USO1: variants seen among roughly 807,000 people sequenced by gnomAD.
The protein encoded by USO1 is general vesicular transport factor p115.
USO1 carries 57 observed loss-of-function variants against 124.5 expected under a neutral mutation model. That is an observed-to-expected ratio of 0.46 (90% CI 0.37 to 0.57). USO1 has a LOEUF of 0.57. Ranked by LOEUF, USO1 falls within the 20% of genes least tolerant of loss-of-function variation. The pLI is 0.00. For missense variants in USO1, 900 were observed against 1,040.6 expected (o/e 0.86, Z 1.86); for synonymous variants, 369 against 362.8 (o/e 1.02, Z -0.19).
At chr4:75,791,017 T>C (rs1426401761) in intron 12 of USO1, among the ~76,000 whole-genome samples, 1 of 152,202 alleles carries the variant, frequency 6.6e-6, no homozygotes, top group Non-Finnish European at 1.5e-5. Flanking sequence ...TCACTTTTGC[T>C]GTATAACTTC....
chr4:75,767,144 T>C (rs1721788006), intron 4 of USO1, among the ~76,000 whole-genome samples: 1 of 152,174 alleles, frequency 6.6e-6, no homozygotes. Context: ...AACCTCTTAA[T>C]ATTAGAATGC....
chr4:75,732,051 A>G (rs190864613), intron 1 of USO1, among the ~76,000 whole-genome samples: 3 of 152,284 alleles, frequency 2.0e-5, no homozygotes, highest in East Asian at 1.9e-4. Context: ...TTACATGTGC[A>G]AGTTGTTACA....
intron 22 of USO1, among the ~76,000 whole-genome samples, chr4:75,811,690 G>A: frequency 6.6e-6 from 1 of 152,144 alleles, no homozygotes; most frequent in Non-Finnish European, 1.5e-5. Flanking sequence ...TTTTTGGATT[G>A]TGGCCAAATT....
chr4:75,742,659 TA>T (rs1720997589), intron 1 of USO1, among the ~76,000 whole-genome samples: 1 of 152,248 alleles, frequency 6.6e-6, no homozygotes, highest in African/African-American at 2.4e-5. Flanking sequence ...TTAAAAGGCC[TA>T]GGGGCAAACA....
At chr4:75,771,196 G>A in intron 7 of USO1, 59 bp downstream of exon 7, 1 of 1,519,470 alleles carries the variant, frequency 6.6e-7, no homozygotes, top group South Asian at 1.3e-5. Context: ...TCTTGCAAAT[G>A]AAATCCTTGT....
intron 14 of USO1, among the ~76,000 whole-genome samples, 165 bp downstream of exon 14, chr4:75,799,897 G>C (rs12511212): frequency 0.13 from 18,865 of 150,828 alleles, 1,849 homozygotes; most frequent in African/African-American, 0.27. Flanking sequence ...TGTTTAAGTT[G>C]TGTGTGTGTG....
chr4:75,735,026 G>A (rs997403914), intron 1 of USO1, among the ~76,000 whole-genome samples: 3 of 152,050 alleles, frequency 2.0e-5, no homozygotes, highest in Non-Finnish European at 4.4e-5. Flanking sequence ...ACCATACCTG[G>A]CCCCATTTTA....
chr4:75,800,556 G>A, intron 15 of USO1, 62 bp from the exon 16 acceptor site: 1 of 1,515,792 alleles, frequency 6.6e-7, no homozygotes, highest in Non-Finnish European at 8.8e-7. Context: ...TGTAGACCAA[G>A]CTTTTATGTT....
intron 4 of USO1, among the ~76,000 whole-genome samples, chr4:75,765,838 A>T (rs1434072890): frequency 6.6e-6 from 1 of 152,200 alleles, no homozygotes; most frequent in Non-Finnish European, 1.5e-5. Flanking sequence ...ATGTTTGAGT[A>T]TTAGGCTTCC....
At chr4:75,810,680 T>TCTG in intron 22 of USO1, 141 bp downstream of exon 22, 1 of 1,111,958 alleles carries the variant, frequency 9.0e-7, no homozygotes, top group Non-Finnish European at 1.2e-6. Context: ...CACTCCTATA[T>TCTG]TGATGATTTA....
chr4:75,773,214 T>A (rs1020161698), intron 7 of USO1, among the ~76,000 whole-genome samples: 1 of 152,230 alleles, frequency 6.6e-6, no homozygotes, highest in African/African-American at 2.4e-5. Context: ...GACAGACAAA[T>A]AAGTGTCTAT....
intron 7 of USO1, among the ~76,000 whole-genome samples, chr4:75,773,140 C>T (rs551104770): frequency 6.6e-6 from 1 of 152,148 alleles, no homozygotes; most frequent in East Asian, 1.9e-4. Flanking sequence ...TCTGGAATCT[C>T]CTGTTTTCCT....
intron 13 of USO1, among the ~76,000 whole-genome samples, chr4:75,796,422 GCCT>G (rs1237300491): frequency 6.7e-6 from 1 of 148,472 alleles, no homozygotes. Flanking sequence ...CGCAACCTCT[GCCT>G]TCTGGGTTCA....
At position 75,803,733 on chromosome 4, in the gene USO1, T is replaced by C. The variant is rs527896986; in HGVS notation, c.1987-401T>C. Reference sequence around the variant, plus strand: ...TAAAAGTTGGAAGCTCTTTTTTCAATTTCCTATATTTATTTTCTCATTGGC... The same window carrying C: ...TAAAAGTTGGAAGCTCTTTTTTCAACTTCCTATATTTATTTTCTCATTGGC... On this transcript the variant is annotated intron_variant, in intron 17 of 23. Transcript: ENST00000514213. Among the ~76,000 whole-genome samples, 8 of 152,092 alleles carry C rather than the reference T, an allele frequency of 5.3e-5. No individual in the cohort carries two copies. In the South Asian group the frequency reaches 1.7e-3, roughly 31 times the overall value.
chr4:75,796,087 C>T (rs2149185637), intron 13 of USO1, among the ~76,000 whole-genome samples: 1 of 152,168 alleles, frequency 6.6e-6, no homozygotes, highest in African/African-American at 2.4e-5. Flanking sequence ...TAACATGTGT[C>T]ATTAACTTAC....
intron 8 of USO1, among the ~76,000 whole-genome samples, chr4:75,778,366 T>C (rs560452828): frequency 7.9e-5 from 12 of 152,302 alleles, no homozygotes; most frequent in African/African-American, 2.9e-4. Context: ...TACTGTTCAT[T>C]AAGTAAAGTG....
chr4:75,787,441 A>G (rs1722394825), intron 10 of USO1, among the ~76,000 whole-genome samples: 1 of 152,184 alleles, frequency 6.6e-6, no homozygotes, highest in African/African-American at 2.4e-5. Context: ...AGATCCATCT[A>G]CAAAGATTTC....
chr4:75,781,604 C>T (rs1455002578), intron 8 of USO1, among the ~76,000 whole-genome samples: 1 of 152,042 alleles, frequency 6.6e-6, no homozygotes, highest in Non-Finnish European at 1.5e-5. Context: ...CTTTTGTATA[C>T]ACTAAGAAAC....
At chr4:75,754,035 C>A (rs1230131673) in intron 3 of USO1, among the ~76,000 whole-genome samples, 1 of 151,396 alleles carries the variant, frequency 6.6e-6, no homozygotes, top group Non-Finnish European at 1.5e-5. Flanking sequence ...GATCCACCTG[C>A]CTTGGCCTCC....
Sources: allele counts gnomAD v4.1 joint callset (sites outside exome capture counted in the v4.1 genomes callset), GRCh38; gene constraint gnomAD v4.1.1; transcripts MANE v1.5; gene names NCBI Gene and HGNC (gene_info 2026-07-23, HGNC 2026-07-21).